The following TP53BP1 variants were observed in gnomAD, a reference collection of about 807,000 sequenced individuals.
TP53BP1 encodes the protein tumor protein p53 binding protein 1, also known as TP53-binding protein 1.
In TP53BP1, 61 loss-of-function variants were observed where a neutral mutation model predicts 200.8. That is an observed-to-expected ratio of 0.30 (90% confidence interval 0.25 to 0.38). The LOEUF (loss-of-function observed/expected upper bound fraction) is 0.38, where lower values mean the gene tolerates loss of function less well. Ranked by LOEUF, TP53BP1 falls within the 10% of genes least tolerant of loss-of-function variation. TP53BP1 has a pLI of 1.00. For synonymous variants in TP53BP1, 822 were observed against 844.3 expected (o/e 0.97, Z 0.46); for missense variants, 2,144 against 2,371.9 (o/e 0.90, Z 2.00).
At position 43,407,246 on chromosome 15, in the gene TP53BP1, T is replaced by TATC; in HGVS notation, c.*134_*136dup. On this transcript the variant is annotated 3_prime_UTR_variant, in exon 28 of 28. Coordinates refer to ENST00000382044, the MANE Select transcript of TP53BP1 (RefSeq NM_001141980.3). ...AACCAAAGAGATTCAACATTTATTTTATCATAAAAGTTCAGCAAATAAAAC... is the reference window on the plus strand; with the variant it reads ...AACCAAAGAGATTCAACATTTATTTTATCATCATAAAAGTTCAGCAAATAAAAC... 2.8e-6 allele frequency: 2 copies of TATC among 718,840 alleles called. No homozygotes were observed. Among genetic ancestry groups the TATC allele is most frequent in the East Asian group, 2.7e-5 (1 of 37,114 alleles). The allele number at this position is 718,840 out of a possible 1,614,324, so 44.5% of individuals were successfully genotyped here. A position where few individuals can be genotyped will look rare whatever the true frequency, so the allele number is the denominator to read the frequency against.
chr15:43,420,963 C>A, intron 20 of TP53BP1, 62 bp downstream of exon 20: 1 of 1,558,182 alleles, frequency 6.4e-7, no homozygotes, highest in South Asian at 1.2e-5. Context: ...CTCTACTCCC[C>A]TCTCCTCCAT....
chr15:43,497,406 A>G, upstream of TP53BP1: 1 of 985,322 alleles, frequency 1.0e-6, no homozygotes, highest in South Asian at 4.7e-5. Flanking sequence ...TTACCTCATT[A>G]TCTTTGACGT....
chr15:43,413,706 G>C (rs1566915549), intron 23 of TP53BP1, among the ~76,000 whole-genome samples: 1 of 151,704 alleles, frequency 6.6e-6, no homozygotes, highest in African/African-American at 2.4e-5. Flanking sequence ...AGTGAAAAAT[G>C]TTTGGAAATC....
chr15:43,492,615 G>A, intron 1 of TP53BP1, 147 bp from the exon 2 acceptor site: 1 of 640,168 alleles, frequency 1.6e-6, no homozygotes, highest in Non-Finnish European at 2.7e-6. Flanking sequence ...ATTTATAATT[G>A]CTGCAAGCAC....
At chr15:43,443,108 G>A (rs2045967138) in intron 14 of TP53BP1, among the ~76,000 whole-genome samples, 1 of 151,940 alleles carries the variant, frequency 6.6e-6, no homozygotes, top group South Asian at 2.1e-4. Flanking sequence ...TTACAGGCAT[G>A]AGCCACCACA....
intron 14 of TP53BP1, among the ~76,000 whole-genome samples, chr15:43,442,870 G>A (rs987153149): frequency 1.5e-5 from 2 of 134,166 alleles, no homozygotes; most frequent in African/African-American, 5.7e-5. Context: ...CTGTTGCTCA[G>A]GCTGGAGTGC....
Position 43,474,110 on chromosome 15 carries a change from G to A in TP53BP1, c.1180+563C>T, listed in dbSNP as rs572400240. Among the ~76,000 whole-genome samples, 5 of 152,322 alleles carry A rather than the reference G, an allele frequency of 3.3e-5. No individual in the cohort carries two copies. The East Asian group carries it at 5.8e-4, about 18-fold the overall frequency. Reference sequence around the variant, plus strand: ...GGGACCCAGTACACCCTCCATAGCCGCTGGCCCGGGTGCTAAGCCCCTCAT... The same window carrying A: ...GGGACCCAGTACACCCTCCATAGCCACTGGCCCGGGTGCTAAGCCCCTCAT... On this transcript the variant is annotated intron_variant, in intron 10 of 27. Transcript: ENST00000382044.
At chr15:43,488,942 C>A (rs1757545404) in intron 4 of TP53BP1, among the ~76,000 whole-genome samples, 1 of 152,194 alleles carries the variant, frequency 6.6e-6, no homozygotes, top group African/African-American at 2.4e-5. Context: ...GAATCAACTC[C>A]AAATTCTTTC....
intron 10 of TP53BP1, among the ~76,000 whole-genome samples, chr15:43,470,454 GAC>G (rs1400459060): frequency 2.0e-5 from 3 of 152,298 alleles, no homozygotes; most frequent in Admixed American, 6.5e-5. Context: ...GGCCTTGAAA[GAC>G]AGTGAATTTG....
chr15:43,442,337 C>T (rs959608026), intron 14 of TP53BP1, among the ~76,000 whole-genome samples: 6 of 151,928 alleles, frequency 3.9e-5, no homozygotes, highest in African/African-American at 1.2e-4. Flanking sequence ...CCGCCCGCCT[C>T]GGTCTCCCAA....
rs1196913186 is a variant in TP53BP1, at chr15:43,492,404, G to T, written c.72C>A (p.Cys24Ter). 1.9e-6 allele frequency: 3 copies of T among 1,613,868 alleles called. No individual in the cohort carries two copies. Among genetic ancestry groups the T allele is most frequent in the African/African-American group, 1.3e-5 (1 of 74,896 alleles). Reference sequence around the variant, plus strand: ...CAGGCTGAGAATCTTCAATTATCAGGCAAGGAGTATCTTGCTGAGAGAAAT... The same window carrying T: ...CAGGCTGAGAATCTTCAATTATCAGTCAAGGAGTATCTTGCTGAGAGAAAT... ...DSDFSQQDTP[C>*]LIIEDSQPES... Residue 24 changes from cysteine (C) to a stop codon, truncating the protein, a stop_gained, in exon 2 of 28, where the codon TGC becomes TGA. Coordinates refer to ENST00000382044, the MANE Select transcript of TP53BP1 (RefSeq NM_001141980.3). LOFTEE classifies it high-confidence loss of function.
At chr15:43,440,631 T>C (rs2045907341) in intron 15 of TP53BP1, among the ~76,000 whole-genome samples, 1 of 152,114 alleles carries the variant, frequency 6.6e-6, no homozygotes, top group South Asian at 2.1e-4. Context: ...CTCACATCTG[T>C]AATCCTAGCA....
At chr15:43,447,664 C>T (rs1437583405) in intron 12 of TP53BP1, among the ~76,000 whole-genome samples, 179 bp from the exon 13 acceptor site, 1 of 152,112 alleles carries the variant, frequency 6.6e-6, no homozygotes, top group Non-Finnish European at 1.5e-5. Flanking sequence ...TAACTCCCTT[C>T]TATCGTCTCT....
rs935631331 is a variant in TP53BP1 at position 43,475,129 on chromosome 15, T to A, written c.1086-362A>T. On this transcript the variant is annotated intron_variant, in intron 9 of 27. Transcript: ENST00000382044. ...ATTCCATTTTTTTGCCTAATAATAGTCAGACCATGAACATTTTCATCAGAA... is the reference window on the plus strand; with the variant it reads ...ATTCCATTTTTTTGCCTAATAATAGACAGACCATGAACATTTTCATCAGAA... Among the ~76,000 whole-genome samples the A allele has an allele frequency of 2.6e-5, 4 of 152,110 alleles. 1 individual carries two copies. Among genetic ancestry groups the A allele is most frequent in the Admixed American group, 1.3e-4 (2 of 15,278 alleles).
chr15:43,434,549 G>C (rs746157394), intron 16 of TP53BP1, among the ~76,000 whole-genome samples: 2 of 152,146 alleles, frequency 1.3e-5, no homozygotes, highest in Admixed American at 6.5e-5. Flanking sequence ...CAAGGTGATG[G>C]TATTAAGAGG....
chr15:43,431,866 A>G (rs930563502), intron 17 of TP53BP1, among the ~76,000 whole-genome samples: 2 of 152,222 alleles, frequency 1.3e-5, no homozygotes, highest in African/African-American at 4.8e-5. Flanking sequence ...GTTAGAAGGC[A>G]AGATAAAAAG....
chr15:43,491,673 T>G lies in TP53BP1; in HGVS notation c.367A>C (p.Ser123Arg). 4 of 1,612,024 alleles carry G rather than the reference T, an allele frequency of 2.5e-6. No individual in the cohort carries two copies. Among genetic ancestry groups the G allele is most frequent in the Non-Finnish European group, 3.4e-6 (4 of 1,178,102 alleles). The change falls in exon 4 of 28, where the codon AGC (serine) becomes CGC (arginine). Residue 123 changes from serine to arginine, a missense_variant. Physicochemically the swap from Ser to Arg is moderately radical, Grantham distance 110. This residue lies in a region of TP53BP1 where 1,700 missense variants were observed against 1,710.3 expected (regional missense o/e 0.99). Transcript: ENST00000382044. Reference protein sequence around the residue: ...IEQLPQPNRTSSVLGMSVESA... With the variant: ...IEQLPQPNRTRSVLGMSVESA... ...ACCCCTTCAAACACTGTATACCTGCTTGTCCTGTTTGGCTGAGGTAACTGC... is the reference window on the plus strand; with the variant it reads ...ACCCCTTCAAACACTGTATACCTGCGTGTCCTGTTTGGCTGAGGTAACTGC...
rs1463102595 is a variant in TP53BP1, at chr15:43,480,982, C to T, written c.412G>A (p.Glu138Lys). Residue 138 changes from glutamate to lysine, a missense_variant, in exon 5 of 28, where the codon GAA (glutamate) becomes AAA (lysine). By Grantham distance (56) the Glu-to-Lys change is moderately conservative. Transcript: ENST00000382044. ...TGTTCCAACTCTTCTCCCTTCTCTT[C>T]CTCCACAGCAGGAGCAGATTCCACT... ...MSVESAPAVE[E>K]EKGEELEQKE... The T allele has an allele frequency of 6.2e-7, 1 of 1,614,066 alleles. No individual in the cohort carries two copies. Among genetic ancestry groups the T allele is most frequent in the South Asian group, 1.1e-5 (1 of 91,078 alleles).
Position 43,447,505 on chromosome 15 carries a change from G to T in TP53BP1, c.2717-20C>A. ...GGGTTTCTGAAAAAAAAAAAAAAAA[G>T]AAAAAAGAAAGAAAGAAAAAATGAT... On this transcript the variant is annotated intron_variant, in intron 12 of 27. Coordinates refer to ENST00000382044, the MANE Select transcript of TP53BP1 (RefSeq NM_001141980.3). 1.6e-5 allele frequency: 18 copies of T among 1,116,840 alleles called. No individual in the cohort carries two copies. The highest frequency in any genetic ancestry group is 2.3e-5 in the South Asian group (1 of 43,452). The allele number at this position is 1,116,840 out of a possible 1,614,324, so 69.2% of individuals were successfully genotyped here.
Sources: gnomAD v4.1 joint callset for allele counts (sites outside exome capture counted in the v4.1 genomes callset) on GRCh38, gnomAD v4.1.1 for gene constraint, gnomAD v4.1.1 regional missense constraint, MANE v1.5 for transcripts, NCBI Gene and HGNC (gene_info 2026-07-23, HGNC 2026-07-21) for gene names.